Variants in ERBIN observed in about 807,000 individuals in gnomAD.
ERBIN encodes the protein densin-180-like protein.
ERBIN carries 60 observed loss-of-function variants against 158.4 expected under a neutral mutation model. That is an observed-to-expected ratio of 0.38 (90% CI 0.31 to 0.47). ERBIN has a LOEUF of 0.47. Ranked by LOEUF, ERBIN falls within the 20% of genes least tolerant of loss-of-function variation. The pLI is 0.99. For synonymous variants in ERBIN, 594 were observed against 557.2 expected, an observed-to-expected ratio of 1.07 and a Z score of -0.93; for missense variants, 1,610 against 1,648.0, an observed-to-expected ratio of 0.98 and a Z score of 0.40.
chr5:66,012,212 A>G, intron 5 of ERBIN, 85 bp downstream of exon 5: 1 of 857,016 alleles, frequency 1.2e-6, no homozygotes, highest in Non-Finnish European at 1.8e-6. Flanking sequence ...ATTTTAACAA[A>G]AATTTTATAT....
In ERBIN at chr5:66,054,623, G is replaced by C. The variant is rs765841968; in HGVS notation, c.3305G>C (p.Gly1102Ala). The C allele has an allele frequency of 1.9e-6, 3 of 1,613,980 alleles. No homozygotes were observed. The East Asian group carries it at 6.7e-5, about 36-fold the overall frequency. The change falls in exon 21 of 26, where the codon GGA becomes GCA. Residue 1102 changes from glycine (G) to alanine (A), a missense_variant. Coordinates refer to ENST00000284037, the MANE Select transcript of ERBIN (RefSeq NM_001253697.2). ...ACAAGGCGGGCTCAGATTCCTGAAG[G>C]AGATTATTTATCATACAGAGAGTTC... is the stretch of plus-strand genomic sequence containing the variant. ...GSTRRAQIPE[G>A]DYLSYREFHS...
At chr5:65,958,125 C>A (rs1197959923) in intron 1 of ERBIN, among the ~76,000 whole-genome samples, 1 of 151,662 alleles carries the variant, frequency 6.6e-6, no homozygotes, top group Non-Finnish European at 1.5e-5. Flanking sequence ...AGGCGCTCCT[C>A]ACTTCCCAGA....
chr5:65,927,093 G>C (rs1042971260), intron 1 of ERBIN, among the ~76,000 whole-genome samples: 3 of 150,860 alleles, frequency 2.0e-5, no homozygotes, highest in Non-Finnish European at 4.4e-5. Context: ...GATTGCCTTT[G>C]TTCAGCACAG....
At chr5:65,958,585 C>T (rs912102557) in intron 1 of ERBIN, among the ~76,000 whole-genome samples, 8 of 141,564 alleles carry the variant, frequency 5.7e-5, no homozygotes, top group South Asian at 4.7e-4. Context: ...AGTCCAGCTT[C>T]GGCTGGGCAT....
chr5:66,001,103 A>G (rs1752974636), intron 4 of ERBIN, among the ~76,000 whole-genome samples: 1 of 152,158 alleles, frequency 6.6e-6, no homozygotes, highest in African/African-American at 2.4e-5. Context: ...TTGATTTGAT[A>G]ATAGACTGCT....
chr5:65,978,445 G>C (rs1212443383), intron 1 of ERBIN, among the ~76,000 whole-genome samples: 1 of 130,892 alleles, frequency 7.6e-6, no homozygotes, highest in African/African-American at 2.8e-5. Flanking sequence ...TGAGATGGAA[G>C]AGGATTCCAC....
At chr5:65,940,711 C>T (rs1246497542) in intron 1 of ERBIN, among the ~76,000 whole-genome samples, 5 of 149,292 alleles carry the variant, frequency 3.3e-5, no homozygotes, top group Non-Finnish European at 6.0e-5. Flanking sequence ...CAGCCCCCCG[C>T]CCGGCCAGCC....
chr5:65,936,163 G>C (rs796508391), intron 1 of ERBIN, among the ~76,000 whole-genome samples: 32 of 152,206 alleles, frequency 2.1e-4, no homozygotes, highest in African/African-American at 7.7e-4. Flanking sequence ...TCTGATGGAG[G>C]GGGGGTGGGG....
intron 21 of ERBIN, among the ~76,000 whole-genome samples, chr5:66,070,191 C>T (rs1761400740): frequency 2.0e-5 from 3 of 151,976 alleles, no homozygotes; most frequent in Admixed American, 2.0e-4. Flanking sequence ...ATTACAGGTG[C>T]GCACCACCAC....
intron 1 of ERBIN, among the ~76,000 whole-genome samples, chr5:65,950,837 A>G (rs1746413630): frequency 1.3e-5 from 2 of 151,504 alleles, no homozygotes; most frequent in African/African-American, 4.9e-5. Flanking sequence ...GGGGTATGTC[A>G]TTGGCATATG....
chr5:66,078,841 C>G lies in ERBIN; in HGVS notation c.*311C>G. The G allele has an allele frequency of 3.7e-6, 1 of 270,898 alleles. No homozygotes were observed. The highest frequency in any genetic ancestry group is 5.0e-5 in the South Asian group (1 of 19,930). 16.8% of individuals were successfully genotyped at this position (270,898 alleles called of 1,614,324 possible). A position where few individuals can be genotyped will look rare whatever the true frequency, so the allele number is the denominator to read the frequency against. On this transcript the variant is annotated 3_prime_UTR_variant, in exon 26 of 26. Transcript: ENST00000284037. ...TTATTTTTGGATTTCATATACATGA[C>G]TGAACTGTGTGCAAGGCAATAGTTA... is the stretch of plus-strand genomic sequence containing the variant.
chr5:65,959,334 A>G (rs1009609078), intron 1 of ERBIN, among the ~76,000 whole-genome samples: 1 of 151,954 alleles, frequency 6.6e-6, no homozygotes, highest in African/African-American at 2.4e-5. Flanking sequence ...TCATTTTTCT[A>G]TGGAGGCCAT....
At chr5:66,037,622 T>C (rs1295871438) in intron 14 of ERBIN, among the ~76,000 whole-genome samples, 1 of 152,100 alleles carries the variant, frequency 6.6e-6, no homozygotes, top group Non-Finnish European at 1.5e-5. Flanking sequence ...AAGGTTTTCA[T>C]AGGAGTAGGT....
intron 1 of ERBIN, among the ~76,000 whole-genome samples, chr5:65,941,315 A>C (rs1299893400): frequency 9.3e-4 from 1 of 1,078 alleles, no homozygotes; most frequent in Non-Finnish European, 3.8e-3. Flanking sequence ...ATGATCAATA[A>C]AAAAAAAAAA....
At chr5:66,041,126 A>G (rs568320247) in intron 15 of ERBIN, among the ~76,000 whole-genome samples, 3 of 152,102 alleles carry the variant, frequency 2.0e-5, no homozygotes, top group Admixed American at 2.0e-4. Flanking sequence ...TGATTAATGT[A>G]TCATAAAATC....
At chr5:66,019,920 C>T (rs1003289182) in intron 7 of ERBIN, among the ~76,000 whole-genome samples, 1 of 152,048 alleles carries the variant, frequency 6.6e-6, no homozygotes, top group Non-Finnish European at 1.5e-5. Flanking sequence ...ATCTTCTTCA[C>T]TTTTTGCAAA....
In ERBIN at chr5:66,078,666, T is replaced by C; in HGVS notation, c.*136T>C. On this transcript the variant is annotated 3_prime_UTR_variant, in exon 26 of 26. Coordinates refer to ENST00000284037, the MANE Select transcript of ERBIN (RefSeq NM_001253697.2). ...TGTTCAAATTTGTACATTAATGAAA[T>C]AATGGAACTTGTGGTTAGAGGGAAA... 3.1e-6 allele frequency: 2 copies of C among 636,838 alleles called. No homozygotes were observed. Among genetic ancestry groups the C allele is most frequent in the Admixed American group, 3.1e-5 (1 of 32,644 alleles). The allele number at this position is 636,838 out of a possible 1,614,324, so 39.4% of individuals were successfully genotyped here. A position where few individuals can be genotyped will look rare whatever the true frequency, so the allele number is the denominator to read the frequency against.
intron 21 of ERBIN, among the ~76,000 whole-genome samples, chr5:66,070,756 C>T (rs1269217339): frequency 6.6e-6 from 1 of 152,082 alleles, no homozygotes; most frequent in Non-Finnish European, 1.5e-5. Flanking sequence ...AATTCTAAGC[C>T]ATGGTTTGAA....
chr5:65,941,999 C>G (rs1745112345), intron 1 of ERBIN, among the ~76,000 whole-genome samples: 1 of 152,192 alleles, frequency 6.6e-6, no homozygotes, highest in Non-Finnish European at 1.5e-5. Context: ...CTCGGCCTTC[C>G]AAAGTGCTGG....
Sources: allele counts gnomAD v4.1 joint callset (sites outside exome capture counted in the v4.1 genomes callset), GRCh38; gene constraint gnomAD v4.1.1; transcripts MANE v1.5; gene names NCBI Gene and HGNC (gene_info 2026-07-23, HGNC 2026-07-21).